WDHD1: variants seen among roughly 807,000 people sequenced by gnomAD.
The protein encoded by WDHD1 is WD repeat and HMG-box DNA binding protein 1.
In WDHD1, 111 loss-of-function variants were observed where a neutral mutation model predicts 135.4. The observed-to-expected ratio is 0.82, with a 90% CI of 0.70 to 0.96. The LOEUF (loss-of-function observed/expected upper bound fraction) is 0.96, where lower values mean the gene tolerates loss of function less well. WDHD1 is among the 40% of genes least tolerant of loss of function. The probability of loss-of-function intolerance (pLI) is 0.00; values close to 1 mark genes in which losing one functional copy is unlikely to be tolerated. For missense variants in WDHD1, 1,351 were observed against 1,336.3 expected, an observed-to-expected ratio of 1.01 and a Z score of -0.17; for synonymous variants, 434 against 439.0, an observed-to-expected ratio of 0.99 and a Z score of 0.14.
In WDHD1 at chr14:54,939,182, A is replaced by C. The variant is rs2040805694; in HGVS notation, c.*2308T>G. The C allele has an allele frequency of 6.6e-6, 1 of 152,210 alleles. No homozygotes were observed. The highest frequency in any genetic ancestry group is 1.5e-5 in the Non-Finnish European group (1 of 68,028). The allele number at this position is 152,210 out of a possible 1,614,324, so 9.4% of individuals were successfully genotyped here. On this transcript the variant is annotated 3_prime_UTR_variant, in exon 26 of 26. Coordinates refer to ENST00000360586, the MANE Select transcript of WDHD1 (RefSeq NM_007086.4). ...TTGGGGGAAAATTATATATTCTGAT[A>C]ATAAAACAGATGGGAAACAAAGAGG...
At position 54,957,067 on chromosome 14, in the gene WDHD1, T is replaced by TA; in HGVS notation, c.2882dup (p.Pro963AlafsTer9). ...GCTTCGGCTTTGGAATCAGAGGCTT[T>TA]ATAATGGGAGACTTTTCATTATTTG... On this transcript the variant is annotated frameshift_variant, in exon 23 of 26. Coordinates refer to ENST00000360586, the MANE Select transcript of WDHD1 (RefSeq NM_007086.4). LOFTEE classifies it high-confidence loss of function. 14 of 1,614,142 alleles carry TA rather than the reference T, an allele frequency of 8.7e-6. No homozygotes were observed. The highest frequency in any genetic ancestry group is 1.2e-5 in the Non-Finnish European group (14 of 1,180,008).
Position 55,026,696 on chromosome 14 carries a change from C to G in WDHD1, c.77+15G>C, listed in dbSNP as rs201859369. On this transcript the variant is annotated intron_variant, in intron 2 of 25. Transcript: ENST00000360586. ...AACATTTGCACCTAAAACGTTGTTT[C>G]TCAAAGAACCTTACCTCCCAGAATC... 1.2e-6 allele frequency: 2 copies of G among 1,613,890 alleles called. No individual in the cohort carries two copies. The highest frequency in any genetic ancestry group is 1.7e-6 in the Non-Finnish European group (2 of 1,179,868).
intron 24 of WDHD1, among the ~76,000 whole-genome samples, chr14:54,953,388 C>A (rs377348129): frequency 6.6e-6 from 1 of 152,144 alleles, no homozygotes; most frequent in African/African-American, 2.4e-5. Context: ...TCATCACTGG[C>A]CATCAGAGAA....
rs541082166 is a variant in WDHD1 at position 54,939,937 on chromosome 14, A to T, written c.*1553T>A. 6.6e-6 allele frequency: 1 copy of T among 152,348 alleles called. No individual in the cohort carries two copies. Among genetic ancestry groups the T allele is most frequent in the South Asian group, 2.1e-4 (1 of 4,834 alleles). The allele number at this position is 152,348 out of a possible 1,614,324, so 9.4% of individuals were successfully genotyped here. A position where few individuals can be genotyped will look rare whatever the true frequency, so the allele number is the denominator to read the frequency against. On this transcript the variant is annotated 3_prime_UTR_variant, in exon 26 of 26. Transcript: ENST00000360586. ...AGTTGAGGAACCAAACACAAAATAC[A>T]TGTCTACAAACATGCTTTCCAATGT...
chr14:54,963,131 A>C lies in WDHD1; in HGVS notation c.2352T>G (p.Leu784=). The change falls in exon 19 of 26, where the codon CTT becomes CTG. Residue 784 remains leucine, a synonymous_variant. Coordinates refer to ENST00000360586, the MANE Select transcript of WDHD1 (RefSeq NM_007086.4). ...KLEREFRCVE[L]ADLMTQNAVN... The stretch of plus-strand genomic sequence containing the variant: ...CAGCATTTTGAGTCATTAGATCAGC[A>C]AGTTCCACACAACGGAATTCTCGCT... 7.4e-7 allele frequency: 1 copy of C among 1,358,134 alleles called. No individual in the cohort carries two copies. The allele number at this position is 1,358,134 out of a possible 1,614,324, so 84.1% of individuals were successfully genotyped here.
At chr14:54,962,466 C>T (rs757246274) in intron 21 of WDHD1, 32 bp downstream of exon 21, 2 of 1,567,602 alleles carry the variant, frequency 1.3e-6, no homozygotes, top group Admixed American at 3.4e-5. Flanking sequence ...GCAAAATTTC[C>T]TTGATATTAC....
Position 54,984,579 on chromosome 14 carries a change from C to G in WDHD1, c.1906+144G>C, listed in dbSNP as rs2041667946. Reference sequence around the variant, plus strand: ...AGATTGCAGCTCCCAGTTCTGCCAACATATTAAAATAGAAATTTAAAATAT... The same window carrying G: ...AGATTGCAGCTCCCAGTTCTGCCAAGATATTAAAATAGAAATTTAAAATAT... On this transcript the variant is annotated intron_variant, in intron 15 of 25. Transcript: ENST00000360586. 4.3e-6 allele frequency: 3 copies of G among 704,168 alleles called. No homozygotes were observed. In the East Asian group the frequency reaches 1.2e-4, roughly 27 times the overall value. 43.6% of individuals were successfully genotyped at this position (704,168 alleles called of 1,614,324 possible).
At chr14:55,002,835 C>G (rs1386446105) in intron 7 of WDHD1, among the ~76,000 whole-genome samples, 4 of 152,058 alleles carry the variant, frequency 2.6e-5, no homozygotes, top group Non-Finnish European at 4.4e-5. Context: ...TCAAGTGATC[C>G]TCCTGCCTCA....
At chr14:55,020,171 A>T (rs1189167279) in intron 2 of WDHD1, among the ~76,000 whole-genome samples, 2 of 152,204 alleles carry the variant, frequency 1.3e-5, no homozygotes, top group Non-Finnish European at 2.9e-5. Context: ...GTGACTGATT[A>T]CTTTCTATAC....
chr14:54,969,655 C>T (rs777563045), intron 16 of WDHD1, among the ~76,000 whole-genome samples: 6 of 152,104 alleles, frequency 3.9e-5, no homozygotes, highest in Non-Finnish European at 8.8e-5. Context: ...GGTACCAGTC[C>T]TACTGAAAAT....
chr14:55,001,684 T>C (rs1016828109), intron 8 of WDHD1, among the ~76,000 whole-genome samples: 64 of 152,236 alleles, frequency 4.2e-4, no homozygotes, highest in South Asian at 2.1e-4. Context: ...AAGTGAACTT[T>C]AGTAAGCCAT....
In WDHD1 at chr14:55,027,063, A is replaced by G. The variant is rs547980411; in HGVS notation, c.-52T>C. The G allele has an allele frequency of 9.2e-6, 4 of 434,408 alleles. No homozygotes were observed. The South Asian group carries it at 1.1e-4, about 12-fold the overall frequency. The allele number at this position is 434,408 out of a possible 1,614,324, so 26.9% of individuals were successfully genotyped here. ...GAGCCTCCGCCACTGAGGATCCACA[A>G]GAGCTGCTTCCCGCGCTTCGGCTCG... On this transcript the variant is annotated 5_prime_UTR_variant, in exon 1 of 26. Coordinates refer to ENST00000360586, the MANE Select transcript of WDHD1 (RefSeq NM_007086.4).
chr14:54,992,124 G>A (rs1194673825), intron 11 of WDHD1, among the ~76,000 whole-genome samples: 4 of 152,058 alleles, frequency 2.6e-5, no homozygotes, highest in Non-Finnish European at 5.9e-5. Flanking sequence ...CAGGCATGGT[G>A]GCACATGCCT....
intron 11 of WDHD1, among the ~76,000 whole-genome samples, chr14:54,995,395 T>A (rs1452940109): frequency 6.6e-6 from 1 of 152,100 alleles, no homozygotes; most frequent in Non-Finnish European, 1.5e-5. Context: ...TGCTTGGGGT[T>A]TAGTTTTCTC....
chr14:55,009,922 G>T (rs943406143), intron 4 of WDHD1, among the ~76,000 whole-genome samples: 1 of 152,078 alleles, frequency 6.6e-6, no homozygotes, highest in African/African-American at 2.4e-5. Context: ...CTAGGTTCAA[G>T]TGATTCTCCT....
intron 18 of WDHD1, among the ~76,000 whole-genome samples, chr14:54,965,754 A>C (rs2041330126): frequency 1.3e-5 from 2 of 151,870 alleles, no homozygotes; most frequent in African/African-American, 4.8e-5. Flanking sequence ...TCAGGAGTTC[A>C]AGACCAGCCT....
intron 24 of WDHD1, among the ~76,000 whole-genome samples, chr14:54,950,017 C>T (rs564929235): frequency 1.3e-5 from 2 of 152,206 alleles, no homozygotes; most frequent in Non-Finnish European, 2.9e-5. Flanking sequence ...AAGGAACAAC[C>T]GGTACCAGCC....
intron 11 of WDHD1, among the ~76,000 whole-genome samples, chr14:54,993,638 CAAACAA>C (rs2041827997): frequency 6.6e-6 from 1 of 152,092 alleles, no homozygotes; most frequent in Admixed American, 6.6e-5. Flanking sequence ...TTATACACTT[CAAACAA>C]AAACAATGTA....
intron 24 of WDHD1, among the ~76,000 whole-genome samples, chr14:54,945,884 G>T (rs952667692): frequency 6.6e-6 from 1 of 152,006 alleles, no homozygotes; most frequent in Admixed American, 6.6e-5. Context: ...CCCTCACTAG[G>T]CTGAACCTAA....
Sources: allele counts gnomAD v4.1 joint callset (sites outside exome capture counted in the v4.1 genomes callset), GRCh38; gene constraint gnomAD v4.1.1; transcripts MANE v1.5; gene names NCBI Gene and HGNC (gene_info 2026-07-23, HGNC 2026-07-21).